PTPRN2: variants seen among roughly 807,000 people sequenced by gnomAD.
PTPRN2 encodes protein tyrosine phosphatase receptor type N2, also known as receptor-type tyrosine-protein phosphatase N2.
In PTPRN2, 74 loss-of-function variants were observed where a neutral mutation model predicts 118.8. That is an observed-to-expected ratio of 0.62 (90% CI 0.52 to 0.76). The LOEUF is 0.76. Ranked by LOEUF, PTPRN2 falls within the 30% of genes least tolerant of loss-of-function variation. The pLI is 0.00. For missense variants in PTPRN2, 1,481 were observed against 1,394.4 expected, an observed-to-expected ratio of 1.06 and a Z score of -0.99; for synonymous variants, 641 against 608.0, an observed-to-expected ratio of 1.05 and a Z score of -0.80.
rs1563392722 is a variant in PTPRN2, at chr7:158,523,527, C to CGG, written c.113-33743_113-33742insCC. Among the ~76,000 whole-genome samples, 16 of 80,728 alleles carry CGG rather than the reference C, an allele frequency of 2.0e-4. 6 individuals are homozygous for CGG. Among genetic ancestry groups the CGG allele is most frequent in the Non-Finnish European group, 2.8e-4 (12 of 43,466 alleles). 53.0% of individuals were successfully genotyped at this position (80,728 alleles called of 152,430 possible). ...TGGAGTGGAGTCGTCTGCCCTGGAG[C>CGG]AGAGTCTGCCCTGGAATGGAGTCCT... On this transcript the variant is annotated intron_variant, in intron 1 of 22. Coordinates refer to ENST00000389418, the MANE Select transcript of PTPRN2 (RefSeq NM_002847.5).
chr7:157,696,910 G>A (rs143114532), intron 12 of PTPRN2, among the ~76,000 whole-genome samples: 16,499 of 65,860 alleles, frequency 0.25, 4,327 homozygotes, highest in East Asian at 0.57. Flanking sequence ...TGCATACTGG[G>A]TCTTGGCAGA....
intron 9 of PTPRN2, among the ~76,000 whole-genome samples, chr7:158,133,188 G>C (rs1425901051): frequency 6.6e-6 from 1 of 152,210 alleles, no homozygotes; most frequent in Admixed American, 6.5e-5. Context: ...GTGCAAAACA[G>C]ATAAAGCACC....
rs150917781 is a variant in PTPRN2 at position 158,056,507 on chromosome 7, C to T, written c.1723+24791G>A. Among the ~76,000 whole-genome samples the T allele has an allele frequency of 3.4e-3, 518 of 152,296 alleles. 3 individuals are homozygous for T. Among genetic ancestry groups the T allele is most frequent in the African/African-American group, 0.012 (496 of 41,562 alleles). On this transcript the variant is annotated intron_variant, in intron 11 of 22. Coordinates refer to ENST00000389418, the MANE Select transcript of PTPRN2 (RefSeq NM_002847.5). ...ACAGAACAAAATACTTCCACATGTGCCTGGGTTTAGGATGGGCAGGAGAAG... is the reference window on the plus strand; with the variant it reads ...ACAGAACAAAATACTTCCACATGTGTCTGGGTTTAGGATGGGCAGGAGAAG...
intron 11 of PTPRN2, among the ~76,000 whole-genome samples, chr7:157,899,712 C>T (rs1294960047): frequency 6.6e-6 from 1 of 152,166 alleles, no homozygotes; most frequent in African/African-American, 2.4e-5. Flanking sequence ...ACAGCCTGCC[C>T]TCCCTGCTGT....
chr7:158,206,445 A>G lies in PTPRN2; in HGVS notation c.278-1172T>C, dbSNP rs180900788. Among the ~76,000 whole-genome samples, 387 of 151,604 alleles carry G rather than the reference A, an allele frequency of 2.6e-3. 1 individual carries two copies. Among genetic ancestry groups the G allele is most frequent in the Non-Finnish European group, 4.7e-3 (322 of 68,018 alleles). Reference sequence around the variant, plus strand: ...AACAGTGGTACCCAGGCAGTACCCCATGGGCCTTGGGTAAGACTCAGAGAT... The same window carrying G: ...AACAGTGGTACCCAGGCAGTACCCCGTGGGCCTTGGGTAAGACTCAGAGAT... On this transcript the variant is annotated intron_variant, in intron 3 of 22. Coordinates refer to ENST00000389418, the MANE Select transcript of PTPRN2 (RefSeq NM_002847.5).
intron 7 of PTPRN2, among the ~76,000 whole-genome samples, chr7:158,137,515 G>T (rs1362984212): frequency 6.6e-6 from 1 of 152,172 alleles, no homozygotes; most frequent in African/African-American, 2.4e-5. Flanking sequence ...CCTGGAGACA[G>T]CACGCACACC....
chr7:158,316,758 G>T, intron 3 of PTPRN2, 61 bp downstream of exon 3: 1 of 1,294,104 alleles, frequency 7.7e-7, no homozygotes, highest in Non-Finnish European at 1.1e-6. Context: ...AGGAGGAGAA[G>T]CCAAGCCCGT....
chr7:158,020,575 G>A (rs1242055818), intron 11 of PTPRN2, among the ~76,000 whole-genome samples: 1 of 152,164 alleles, frequency 6.6e-6, no homozygotes, highest in Admixed American at 6.5e-5. Context: ...TCATGGTGAA[G>A]CCGTCAGGAC....
chr7:158,441,495 AGTGATG>A (rs1817205055), intron 2 of PTPRN2, among the ~76,000 whole-genome samples: 2 of 120,058 alleles, frequency 1.7e-5, no homozygotes, highest in African/African-American at 3.7e-5. Flanking sequence ...TGATGGTGAT[AGTGATG>A]GTGATGGCAG....
intron 9 of PTPRN2, among the ~76,000 whole-genome samples, chr7:158,124,083 C>T (rs1269943748): frequency 6.6e-6 from 1 of 152,220 alleles, no homozygotes; most frequent in Non-Finnish European, 1.5e-5. Context: ...ACCTGAGTTG[C>T]CCATCATGAA....
chr7:158,103,894 G>T (rs1815450059), intron 10 of PTPRN2, among the ~76,000 whole-genome samples: 1 of 150,488 alleles, frequency 6.6e-6, no homozygotes, highest in Admixed American at 6.6e-5. Context: ...ATGGAGTCTT[G>T]CTCTGTTGCC....
chr7:157,712,837 A>C (rs1484018792), intron 12 of PTPRN2, among the ~76,000 whole-genome samples: 1 of 150,622 alleles, frequency 6.6e-6, no homozygotes, highest in Non-Finnish European at 1.5e-5. Context: ...CAGGGACTGG[A>C]GTGGGGCAGC....
intron 11 of PTPRN2, among the ~76,000 whole-genome samples, chr7:157,908,396 G>C (rs186697345): frequency 2.8e-4 from 43 of 152,362 alleles, no homozygotes; most frequent in African/African-American, 1.0e-3. Flanking sequence ...ACTTAGGCAG[G>C]AGAAAAGACA....
intron 3 of PTPRN2, among the ~76,000 whole-genome samples, chr7:158,245,152 C>T (rs1796139967): frequency 6.6e-6 from 1 of 152,050 alleles, no homozygotes; most frequent in Admixed American, 6.6e-5. Flanking sequence ...ATGCCAGAAT[C>T]CGTGGCCATG....
rs1014546475 is a variant in PTPRN2 at position 157,903,603 on chromosome 7, A to G, written c.1724-4866T>C. Among the ~76,000 whole-genome samples the G allele has an allele frequency of 2.6e-5, 4 of 151,478 alleles. No homozygotes were observed. Among genetic ancestry groups the G allele is most frequent in the Non-Finnish European group, 5.9e-5 (4 of 67,974 alleles). ...GTAGTTCAGTCGGTTTAAATCAGCG[A>G]TTGAAGCAAACAACCTGAATTAGTG... On this transcript the variant is annotated intron_variant, in intron 11 of 22. Transcript: ENST00000389418. The surrounding 1 kb of genome is among the most constrained non-coding windows in gnomAD (Gnocchi z 4.2).
intron 2 of PTPRN2, among the ~76,000 whole-genome samples, chr7:158,407,189 CCTGGGTCCT>C (rs1563254456): frequency 0.016 from 442 of 27,022 alleles, 37 homozygotes; most frequent in Non-Finnish European, 0.03. Context: ...CGTCCTGGGT[CCTGGGTCCT>C]GGGTCCTGGG....
At chr7:158,431,453 C>CAAG (rs1563285342) in intron 2 of PTPRN2, among the ~76,000 whole-genome samples, 2 of 50,846 alleles carry the variant, frequency 3.9e-5, no homozygotes, top group African/African-American at 1.6e-4. Flanking sequence ...CACTGCCTCA[C>CAAG]ACGACACACA....
rs1464385560 is a variant in PTPRN2 at position 157,632,983 on chromosome 7, T to C, written c.2197-11474A>G. Among the ~76,000 whole-genome samples the C allele has an allele frequency of 6.6e-6, 1 of 152,148 alleles. No homozygotes were observed. The highest frequency in any genetic ancestry group is 2.4e-5 in the African/African-American group (1 of 41,428). ...AGAGCTGCTGTCATTTCTGTCGGAT[T>C]CCTGCCGATGTTGTGGTGGTCTAGT... On this transcript the variant is annotated intron_variant, in intron 14 of 22. Transcript: ENST00000389418. This position sits in a 1 kb window ranked among gnomAD's most constrained non-coding sequence, Gnocchi z 4.3.
At chr7:158,381,488 C>T (rs1001001605) in intron 2 of PTPRN2, among the ~76,000 whole-genome samples, 2 of 152,226 alleles carry the variant, frequency 1.3e-5, no homozygotes, top group Admixed American at 1.3e-4. Context: ...GAGACCACCT[C>T]AGCCTGGACT....
Sources: gnomAD v4.1 joint callset for allele counts (sites outside exome capture counted in the v4.1 genomes callset) on GRCh38, gnomAD v4.1.1 for gene constraint, Gnocchi (gnomAD v3.1) non-coding constraint, MANE v1.5 for transcripts, NCBI Gene and HGNC (gene_info 2026-07-23, HGNC 2026-07-21) for gene names.